Variants in GMDS observed in about 807,000 individuals in gnomAD.
GMDS encodes the protein GDP-mannose 4,6 dehydratase.
A neutral mutation model predicts 49.9 loss-of-function variants in GMDS; 20 were observed. The observed-to-expected ratio is 0.40, with a 90% CI of 0.28 to 0.58. The LOEUF is 0.58. Among genes scored for constraint, GMDS ranks in the 20% least tolerant of loss-of-function variants. The pLI is 0.42. For synonymous variants in GMDS, 177 were observed against 178.6 expected (o/e 0.99, Z 0.07); for missense variants, 362 against 481.4 (o/e 0.75, Z 2.32).
chr6:2,066,082 T>C (rs905352152), intron 4 of GMDS, among the ~76,000 whole-genome samples: 19 of 152,138 alleles, frequency 1.2e-4, no homozygotes, highest in African/African-American at 4.3e-4. Flanking sequence ...CGGCAGAAAC[T>C]CTACCAGCCA....
At chr6:2,125,730 G>T (rs1775393839) in intron 1 of GMDS, among the ~76,000 whole-genome samples, 1 of 152,294 alleles carries the variant, frequency 6.6e-6, no homozygotes, top group East Asian at 1.9e-4. Context: ...GTGGAGGAAG[G>T]TGAGTACCTT....
intron 1 of GMDS, among the ~76,000 whole-genome samples, chr6:2,230,341 A>C (rs560466548): frequency 8.5e-5 from 13 of 152,344 alleles, no homozygotes; most frequent in African/African-American, 2.6e-4. Flanking sequence ...ACCACAGCCC[A>C]TAAAGGTTAA....
At chr6:2,159,367 G>T (rs1032155533) in intron 1 of GMDS, among the ~76,000 whole-genome samples, 1 of 151,794 alleles carries the variant, frequency 6.6e-6, no homozygotes, top group Non-Finnish European at 1.5e-5. Context: ...TTATAGGCAT[G>T]AGCCACCACA....
chr6:1,689,262 A>G (rs528198437), intron 9 of GMDS, among the ~76,000 whole-genome samples: 28 of 152,330 alleles, frequency 1.8e-4, no homozygotes, highest in South Asian at 6.2e-4. Flanking sequence ...CTTCCTCTTC[A>G]TCGGACTGCT....
chr6:1,737,858 T>C (rs1254043410), intron 8 of GMDS, among the ~76,000 whole-genome samples: 6 of 125,488 alleles, frequency 4.8e-5, no homozygotes, highest in African/African-American at 1.9e-4. Context: ...CGCACAGATA[T>C]GCACACATAC....
At chr6:1,933,740 G>A (rs975475904) in intron 6 of GMDS, among the ~76,000 whole-genome samples, 1 of 152,124 alleles carries the variant, frequency 6.6e-6, no homozygotes, top group African/African-American at 2.4e-5. Context: ...TTATAGAGTT[G>A]TAAGAATTCT....
At chr6:2,001,114 G>A (rs148464174) in intron 4 of GMDS, among the ~76,000 whole-genome samples, 4 of 152,262 alleles carry the variant, frequency 2.6e-5, no homozygotes, top group Admixed American at 2.6e-4. Flanking sequence ...CATCAGTAGT[G>A]TACGAGATTT....
At chr6:1,855,977 AGT>A (rs759853234) in intron 7 of GMDS, among the ~76,000 whole-genome samples, 13 of 152,316 alleles carry the variant, frequency 8.5e-5, no homozygotes, top group Non-Finnish European at 1.8e-4. Flanking sequence ...TCATACAGAC[AGT>A]GTGTCTGTGT....
intron 4 of GMDS, among the ~76,000 whole-genome samples, chr6:1,970,124 T>C (rs1048221230): frequency 1.3e-5 from 2 of 152,220 alleles, no homozygotes; most frequent in Admixed American, 6.5e-5. Flanking sequence ...GAAAAAGAGA[T>C]CTGTCTGCAA....
chr6:1,725,847 T>C (rs1274164055), intron 9 of GMDS, among the ~76,000 whole-genome samples: 1 of 152,238 alleles, frequency 6.6e-6, no homozygotes, highest in Non-Finnish European at 1.5e-5. Flanking sequence ...TAGAATTATG[T>C]ATAGCATATA....
intron 7 of GMDS, among the ~76,000 whole-genome samples, chr6:1,906,788 G>A (rs546421315): frequency 1.2e-3 from 181 of 152,234 alleles, no homozygotes; most frequent in African/African-American, 4.2e-3. Flanking sequence ...AGCTATCTTC[G>A]GATCACACAG....
chr6:2,017,791 C>T (rs1010780756), intron 4 of GMDS, among the ~76,000 whole-genome samples: 2 of 151,796 alleles, frequency 1.3e-5, no homozygotes, highest in African/African-American at 4.8e-5. Flanking sequence ...GCATTCTTAA[C>T]AACAAAGTAA....
intron 4 of GMDS, among the ~76,000 whole-genome samples, chr6:2,010,882 C>T (rs988759465): frequency 2.0e-5 from 3 of 152,030 alleles, no homozygotes; most frequent in Admixed American, 6.5e-5. Context: ...TTATTGTCAA[C>T]CTCTTACATT....
intron 6 of GMDS, among the ~76,000 whole-genome samples, chr6:1,938,756 T>A (rs1324610974): frequency 6.6e-6 from 1 of 152,074 alleles, no homozygotes; most frequent in East Asian, 1.9e-4. Context: ...TTCACTCTAT[T>A]TTCTTCTGGG....
At chr6:2,114,973 A>AAAC (rs1554166848) in intron 4 of GMDS, among the ~76,000 whole-genome samples, 6 of 125,978 alleles carry the variant, frequency 4.8e-5, no homozygotes, top group East Asian at 3.1e-4. Flanking sequence ...ACAAACAAAC[A>AAAC]AAAAAAAACC....
At chr6:1,756,730 T>C (rs1012236121) in intron 7 of GMDS, among the ~76,000 whole-genome samples, 2 of 152,204 alleles carry the variant, frequency 1.3e-5, no homozygotes, top group East Asian at 3.9e-4. Context: ...GGGTGCTGGA[T>C]GCACCTCAGT....
At chr6:2,096,599 G>A (rs758231834) in intron 4 of GMDS, among the ~76,000 whole-genome samples, 3 of 152,038 alleles carry the variant, frequency 2.0e-5, no homozygotes, top group South Asian at 4.2e-4. Context: ...CAATTCAATC[G>A]GCATAGTTAG....
At chr6:2,131,936 A>T (rs1775761358) in intron 1 of GMDS, among the ~76,000 whole-genome samples, 1 of 151,986 alleles carries the variant, frequency 6.6e-6, no homozygotes, top group African/African-American at 2.4e-5. Context: ...ATGGCCTACT[A>T]TCACTACAAA....
intron 9 of GMDS, among the ~76,000 whole-genome samples, chr6:1,674,603 C>T (rs1764550187): frequency 8.3e-6 from 1 of 121,180 alleles, no homozygotes; most frequent in Non-Finnish European, 1.6e-5. Flanking sequence ...CTTGCTCTAT[C>T]GCCCAGGCTG....
Sources: gnomAD v4.1 joint callset for allele counts (sites outside exome capture counted in the v4.1 genomes callset) on GRCh38, gnomAD v4.1.1 for gene constraint, MANE v1.5 for transcripts, NCBI Gene and HGNC (gene_info 2026-07-23, HGNC 2026-07-21) for gene names.